Variants in KLF12 observed in about 807,000 individuals in gnomAD.
KLF12 encodes KLF transcription factor 12, also known as Krueppel-like factor 12.
In KLF12, 9 loss-of-function variants were observed where a neutral mutation model predicts 37.8. The observed-to-expected ratio is 0.24, with a 90% CI of 0.14 to 0.42. The LOEUF is 0.42. Ranked by LOEUF, KLF12 falls within the 10% of genes least tolerant of loss-of-function variation. KLF12 has a pLI of 1.00. For missense variants in KLF12, 411 were observed against 516.0 expected, an observed-to-expected ratio of 0.80 and a Z score of 1.97; for synonymous variants, 208 against 202.1, an observed-to-expected ratio of 1.03 and a Z score of -0.25.
chr13:74,176,428 C>T, the KLF12 span, among the ~76,000 whole-genome samples: 8 of 152,252 alleles, frequency 5.3e-5, 1 homozygote, highest in East Asian at 1.9e-4. Context: ...TTGGCAAATG[C>T]GCAACATTCT....
the KLF12 span, among the ~76,000 whole-genome samples, chr13:74,145,330 A>G: frequency 2.6e-5 from 4 of 152,320 alleles, no homozygotes; most frequent in African/African-American, 9.6e-5. Context: ...TCATTAAAAA[A>G]GTTTGGTTGA....
chr13:74,119,938 T>C (rs2138972925), intron 1 of KLF12, among the ~76,000 whole-genome samples: 1 of 150,180 alleles, frequency 6.7e-6, no homozygotes, highest in African/African-American at 2.4e-5. Flanking sequence ...AAAAAACTCC[T>C]GAAGGCAGCC....
At chr13:73,843,609 T>C (rs569177325) in intron 4 of KLF12, among the ~76,000 whole-genome samples, 16 of 152,266 alleles carry the variant, frequency 1.1e-4, no homozygotes, top group African/African-American at 3.4e-4. Flanking sequence ...ACCTGGCCTA[T>C]ACATTATGTT....
At chr13:74,251,410 G>T in the KLF12 span, among the ~76,000 whole-genome samples, 9,588 of 151,916 alleles carry the variant, frequency 0.063, 392 homozygotes, top group African/African-American at 0.11. Flanking sequence ...CCTCCCAAAG[G>T]GCTGGGATTA....
intron 1 of KLF12, among the ~76,000 whole-genome samples, chr13:74,010,157 G>A (rs995313547): frequency 2.6e-5 from 4 of 151,842 alleles, no homozygotes; most frequent in Admixed American, 2.0e-4. Flanking sequence ...GGCCCAGGCT[G>A]GTCTCAAACT....
At chr13:74,200,573 C>A in the KLF12 span, among the ~76,000 whole-genome samples, 1 of 151,850 alleles carries the variant, frequency 6.6e-6, no homozygotes, top group Admixed American at 6.6e-5. Context: ...TTGCAAAAGC[C>A]CTGGTGAGAG....
At chr13:74,124,718 G>A (rs957413220) in intron 1 of KLF12, among the ~76,000 whole-genome samples, 2 of 151,958 alleles carry the variant, frequency 1.3e-5, no homozygotes, top group South Asian at 2.1e-4. Flanking sequence ...TGGTGATACG[G>A]CAAATGATAA....
chr13:73,949,198 T>C (rs1890555346), intron 2 of KLF12, among the ~76,000 whole-genome samples: 1 of 152,168 alleles, frequency 6.6e-6, no homozygotes, highest in South Asian at 2.1e-4. Flanking sequence ...TACCTACCTG[T>C]CCACTCACTT....
rs754683095 is a variant in KLF12 at position 73,846,149 on chromosome 13, A to G, written c.348T>C (p.Ser116=). The change falls in exon 4 of 8, where the codon TCT becomes TCC. Residue 116 remains serine (S), a synonymous_variant. Coordinates refer to ENST00000377669, the MANE Select transcript of KLF12 (RefSeq NM_007249.5). The stretch of plus-strand genomic sequence containing the variant: ...AGGCTAGACGACTAGAAGACGATGA[A>G]GAGGTTGAAGTTGAAGAAGGTGAGG... 11 of 1,614,104 alleles carry G rather than the reference A, an allele frequency of 6.8e-6. No individual in the cohort carries two copies. Among genetic ancestry groups the G allele is most frequent in the Non-Finnish European group, 9.3e-6 (11 of 1,179,992 alleles).
At chr13:73,930,846 G>C (rs982739867) in intron 3 of KLF12, among the ~76,000 whole-genome samples, 3 of 145,338 alleles carry the variant, frequency 2.1e-5, no homozygotes, top group Middle Eastern at 3.6e-3. Context: ...ACATCTATGT[G>C]AATAACTGGA....
At chr13:73,967,298 C>G (rs1327173036) in intron 2 of KLF12, among the ~76,000 whole-genome samples, 1 of 152,180 alleles carries the variant, frequency 6.6e-6, no homozygotes, top group African/African-American at 2.4e-5. Flanking sequence ...TGCAGAGAGG[C>G]ACAGAAATGC....
intron 3 of KLF12, among the ~76,000 whole-genome samples, chr13:73,919,321 G>A (rs1889004059): frequency 6.6e-6 from 1 of 152,118 alleles, no homozygotes; most frequent in Admixed American, 6.5e-5. Context: ...CCCCATGACA[G>A]AGGAGTTCTG....
At chr13:74,045,597 A>G (rs1893521480) in intron 1 of KLF12, among the ~76,000 whole-genome samples, 1 of 150,854 alleles carries the variant, frequency 6.6e-6, no homozygotes, top group African/African-American at 2.4e-5. Flanking sequence ...CATTTTGTTC[A>G]GCATCATTTG....
chr13:74,164,818 C>T, the KLF12 span, among the ~76,000 whole-genome samples: 1 of 152,168 alleles, frequency 6.6e-6, no homozygotes, highest in Non-Finnish European at 1.5e-5. Context: ...AAAAGACAAA[C>T]TTCACATATT....
the KLF12 span, among the ~76,000 whole-genome samples, chr13:74,141,863 G>C: frequency 2.0e-5 from 3 of 152,122 alleles, no homozygotes; most frequent in African/African-American, 7.2e-5. Flanking sequence ...CAACCAACTG[G>C]CAGTTGCCTT....
chr13:74,058,418 ATC>A (rs1281543847), intron 1 of KLF12, among the ~76,000 whole-genome samples: 3 of 131,604 alleles, frequency 2.3e-5, no homozygotes, highest in African/African-American at 8.8e-5. Flanking sequence ...GTGCAGCGGC[ATC>A]ATCTCGGCTC....
Position 74,003,162 on chromosome 13 carries a change from G to A in KLF12, c.-31-8109C>T, listed in dbSNP as rs144979652. Reference sequence around the variant, plus strand: ...AGATGCCATCCTTAGTAACACCATAGGGAGCTCTGGTGAAAGAACGGAGTA... The same window carrying A: ...AGATGCCATCCTTAGTAACACCATAAGGAGCTCTGGTGAAAGAACGGAGTA... On this transcript the variant is annotated intron_variant, in intron 1 of 7. Transcript: ENST00000377669. Among the ~76,000 whole-genome samples the A allele has an allele frequency of 4.6e-5, 7 of 152,266 alleles. No homozygotes were observed. In the East Asian group the frequency reaches 1.4e-3, roughly 29 times the overall value.
chr13:74,012,930 T>C (rs1892587990), intron 1 of KLF12, among the ~76,000 whole-genome samples: 1 of 152,216 alleles, frequency 6.6e-6, no homozygotes, highest in African/African-American at 2.4e-5. Flanking sequence ...TAGAGCCCGT[T>C]ATGGGTGAGC....
intron 3 of KLF12, among the ~76,000 whole-genome samples, chr13:73,916,164 A>G (rs1488040840): frequency 1.3e-5 from 2 of 151,896 alleles, no homozygotes; most frequent in Non-Finnish European, 2.9e-5. Context: ...CCTGTATGAA[A>G]CAGGCAAATA....
Sources: allele counts gnomAD v4.1 joint callset (sites outside exome capture counted in the v4.1 genomes callset), GRCh38; gene constraint gnomAD v4.1.1; transcripts MANE v1.5; gene names NCBI Gene and HGNC (gene_info 2026-07-23, HGNC 2026-07-21).